CFAP221: variants seen among roughly 807,000 people sequenced by gnomAD.
CFAP221 encodes cilia and flagella associated protein 221, also known as cilia- and flagella-associated protein 221.
In CFAP221, 97 loss-of-function variants were observed where a neutral mutation model predicts 113.1. The ratio of observed to expected loss-of-function variants is 0.86; its 90% CI spans 0.73 to 1.02. CFAP221 has a LOEUF of 1.02. CFAP221 is among the 50% of genes least tolerant of loss of function. CFAP221 has a pLI of 0.00. For synonymous variants in CFAP221, 331 were observed against 354.4 expected (o/e 0.93, Z 0.74); for missense variants, 1,025 against 1,013.4 (o/e 1.01, Z -0.16).
chr2:119,658,667 G>T (rs1688528353), downstream of CFAP221, among the ~76,000 whole-genome samples: 2 of 151,702 alleles, frequency 1.3e-5, no homozygotes, highest in African/African-American at 4.8e-5. Flanking sequence ...CTATCTTTAT[G>T]TCTTGTATAT....
chr2:119,566,256 A>G (rs1431367575), intron 6 of CFAP221, among the ~76,000 whole-genome samples: 3 of 152,222 alleles, frequency 2.0e-5, no homozygotes, highest in South Asian at 4.1e-4. Context: ...TGTAGAAAAT[A>G]TTAAAGCAAT....
chr2:119,655,071 A>C (rs1228998064), intron 23 of CFAP221, among the ~76,000 whole-genome samples: 2 of 152,216 alleles, frequency 1.3e-5, no homozygotes, highest in Non-Finnish European at 2.9e-5. Context: ...CAAAAAGAAC[A>C]CATCAGCAGT....
At chr2:119,585,596 TC>T (rs1408842977) in intron 6 of CFAP221, among the ~76,000 whole-genome samples, 3 of 152,222 alleles carry the variant, frequency 2.0e-5, no homozygotes, top group Non-Finnish European at 4.4e-5. Flanking sequence ...ATTTTATTGT[TC>T]TTTACATTTT....
intron 6 of CFAP221, among the ~76,000 whole-genome samples, chr2:119,576,403 G>A (rs1682446166): frequency 6.6e-6 from 1 of 152,096 alleles, no homozygotes; most frequent in African/African-American, 2.4e-5. Context: ...ACCTCTGTGT[G>A]TTCACGTGTT....
chr2:119,648,709 T>C lies in CFAP221; in HGVS notation c.2318+1659T>C, dbSNP rs1029055063. ...TAAAATCACCAGAGCGTTTTTAGAG[T>C]TCAGGCTTGAGGGTCAGTGGCAGGA... On this transcript the variant is annotated intron_variant, in intron 22 of 23. Transcript: ENST00000413369. 1.9e-5 allele frequency: 3 copies of C among 154,446 alleles called. No individual in the cohort carries two copies. In the Admixed American group the frequency reaches 2.0e-4, roughly 10 times the overall value. The allele number at this position is 154,446 out of a possible 1,614,324, so 9.6% of individuals were successfully genotyped here. A position where few individuals can be genotyped will look rare whatever the true frequency, so the allele number is the denominator to read the frequency against.
At chr2:119,610,336 C>T (rs928731076) in intron 12 of CFAP221, among the ~76,000 whole-genome samples, 2 of 151,996 alleles carry the variant, frequency 1.3e-5, no homozygotes, top group African/African-American at 4.8e-5. Flanking sequence ...CCCAGTGGCA[C>T]GGAACTCCTG....
rs202142778 is a variant in CFAP221, at chr2:119,554,685, G to A, written c.241-5004G>A. Among the ~76,000 whole-genome samples the A allele has an allele frequency of 1.6e-4, 24 of 152,258 alleles. No homozygotes were observed. The East Asian group carries it at 4.0e-3, about 26-fold the overall frequency. On this transcript the variant is annotated intron_variant, in intron 3 of 23. Coordinates refer to ENST00000413369, the MANE Select transcript of CFAP221 (RefSeq NM_001271049.2). ...GGCTTCTCAGTGTGTGGGGTTGGGG[G>A]AATTGAAGCCACAGTATAAACATAG...
intron 14 of CFAP221, among the ~76,000 whole-genome samples, chr2:119,616,994 C>G (rs1685572858): frequency 6.6e-6 from 1 of 152,248 alleles, no homozygotes; most frequent in Non-Finnish European, 1.5e-5. Flanking sequence ...GCACTAATTC[C>G]TGGTGCTGCT....
intron 7 of CFAP221, among the ~76,000 whole-genome samples, chr2:119,589,054 G>T (rs1683410382): frequency 1.3e-5 from 2 of 152,168 alleles, no homozygotes; most frequent in South Asian, 4.1e-4. Flanking sequence ...TGGACTTTGG[G>T]ACCCGTCTTT....
intron 20 of CFAP221, 111 bp downstream of exon 20, chr2:119,638,528 G>A: frequency 1.5e-6 from 2 of 1,375,204 alleles, no homozygotes; most frequent in Non-Finnish European, 2.0e-6. Context: ...CGCCACAGCT[G>A]CAGAACAAGA....
At chr2:119,632,947 T>C (rs573462499) in intron 19 of CFAP221, among the ~76,000 whole-genome samples, 1 of 152,048 alleles carries the variant, frequency 6.6e-6, no homozygotes, top group African/African-American at 2.4e-5. Context: ...ATAAGACCAG[T>C]ACACTGAAAA....
intron 7 of CFAP221, among the ~76,000 whole-genome samples, 192 bp downstream of exon 7, chr2:119,587,414 G>T (rs1683299571): frequency 6.6e-6 from 1 of 152,170 alleles, no homozygotes; most frequent in Non-Finnish European, 1.5e-5. Flanking sequence ...GTTCAGGTAA[G>T]TTTCTTCCAT....
intron 23 of CFAP221, 83 bp downstream of exon 23, chr2:119,652,152 C>G (rs1236179767): frequency 5.6e-6 from 6 of 1,077,710 alleles, no homozygotes; most frequent in Non-Finnish European, 6.8e-6. Flanking sequence ...GTCATGTTGT[C>G]TGAGTCTAAA....
At chr2:119,645,465 G>A (rs1448452993) in intron 21 of CFAP221, among the ~76,000 whole-genome samples, 1 of 149,592 alleles carries the variant, frequency 6.7e-6, no homozygotes, top group African/African-American at 2.5e-5. Context: ...ACAAAAAGTG[G>A]CATTCTAGAT....
At chr2:119,647,135 G>A in intron 22 of CFAP221, 85 bp downstream of exon 22, 1 of 1,030,840 alleles carries the variant, frequency 9.7e-7, no homozygotes, top group Non-Finnish European at 1.5e-6. Flanking sequence ...CTTCAGAATA[G>A]CACACAGTTC....
chr2:119,602,505 T>G (rs1055918963), intron 8 of CFAP221: 2 of 522,238 alleles, frequency 3.8e-6, no homozygotes, highest in African/African-American at 4.2e-5. Context: ...ACATCACATA[T>G]TCACATCATT....
Position 119,649,483 on chromosome 2 carries a change from A to T in CFAP221, c.2318+2433A>T, listed in dbSNP as rs144318869. 4.1e-3 allele frequency among the ~76,000 whole-genome samples: 619 copies of T among 152,304 alleles called. 2 individuals are homozygous for T. The highest frequency in any genetic ancestry group is 6.8e-3 in the Middle Eastern group (2 of 294). ...CTGCAAAGGTTCTTAGGTCTAGTTTAGTGAGACAGAACGCAAGAACAGTAA... is the reference window on the plus strand; with the variant it reads ...CTGCAAAGGTTCTTAGGTCTAGTTTTGTGAGACAGAACGCAAGAACAGTAA... On this transcript the variant is annotated intron_variant, in intron 22 of 23. Transcript: ENST00000413369.
intron 22 of CFAP221, chr2:119,648,480 G>A (rs200677501): frequency 6.2e-6 from 2 of 321,550 alleles, no homozygotes; most frequent in Non-Finnish European, 1.4e-5. Context: ...TGACGACAGA[G>A]TCGGGGTATA....
At chr2:119,573,529 A>G (rs932430799) in intron 6 of CFAP221, 3 of 152,220 alleles carry the variant, frequency 2.0e-5, no homozygotes, top group African/African-American at 7.2e-5. Context: ...ATATTTGCAT[A>G]AAACAATTCT....
Sources: allele counts gnomAD v4.1 joint callset (sites outside exome capture counted in the v4.1 genomes callset), GRCh38; gene constraint gnomAD v4.1.1; transcripts MANE v1.5; gene names NCBI Gene and HGNC (gene_info 2026-07-23, HGNC 2026-07-21).